PTPRD: variants seen among roughly 807,000 people sequenced by gnomAD.
PTPRD encodes protein tyrosine phosphatase receptor type D.
A neutral mutation model predicts 214.5 loss-of-function variants in PTPRD; 34 were observed. The observed-to-expected ratio is 0.16, with a 90% confidence interval of 0.12 to 0.21. The LOEUF (loss-of-function observed/expected upper bound fraction) is 0.21. PTPRD is among the 10% of genes least tolerant of loss of function. The pLI, the probability that PTPRD is intolerant of heterozygous loss-of-function variation, is 1.00. For missense variants in PTPRD, 2,545 were observed against 2,398.7 expected, an observed-to-expected ratio of 1.06 and a Z score of -1.27; for synonymous variants, 1,128 against 845.7, an observed-to-expected ratio of 1.33 and a Z score of -5.79.
At chr9:8,946,362 T>A (rs2099064263) in intron 11 of PTPRD, among the ~76,000 whole-genome samples, 1 of 152,106 alleles carries the variant, frequency 6.6e-6, no homozygotes. Flanking sequence ...TATATAGGTT[T>A]CGAGGGTTTT....
chr9:10,143,306 AT>A (rs1349533617), intron 3 of PTPRD, among the ~76,000 whole-genome samples: 2 of 152,032 alleles, frequency 1.3e-5, no homozygotes, highest in Non-Finnish European at 2.9e-5. Flanking sequence ...AAATAAAAAA[AT>A]AAATGCTCAT....
chr9:9,167,139 C>T (rs1224983475), intron 10 of PTPRD, among the ~76,000 whole-genome samples: 3 of 152,092 alleles, frequency 2.0e-5, no homozygotes, highest in Non-Finnish European at 4.4e-5. Context: ...CAAATCAGAA[C>T]TATGTCTCCT....
At chr9:9,177,159 G>A (rs1424766717) in intron 10 of PTPRD, among the ~76,000 whole-genome samples, 1 of 152,040 alleles carries the variant, frequency 6.6e-6, no homozygotes, top group African/African-American at 2.4e-5. Context: ...GGGAAGCAAG[G>A]TGCTTTCTTC....
intron 10 of PTPRD, among the ~76,000 whole-genome samples, chr9:9,121,938 G>C (rs186992482): frequency 6.6e-6 from 1 of 152,120 alleles, no homozygotes; most frequent in African/African-American, 2.4e-5. Context: ...GAGTTTTGTA[G>C]TCTACAAGCC....
intron 11 of PTPRD, among the ~76,000 whole-genome samples, chr9:8,976,447 T>C (rs1229029351): frequency 6.6e-6 from 1 of 152,094 alleles, no homozygotes; most frequent in Non-Finnish European, 1.5e-5. Flanking sequence ...ATCTGAGTGA[T>C]AATAATTAGA....
In PTPRD at chr9:10,485,695, G is replaced by C. The variant is rs1049534613; in HGVS notation, c.-600+126703C>G. ...GCATATAGAAATACTGCTGATTTTT[G>C]TGTGTTGATATTATATCCTGAAAAT... On this transcript the variant is annotated intron_variant, in intron 2 of 45. Coordinates refer to ENST00000381196, the MANE Select transcript of PTPRD (RefSeq NM_002839.4). 3.3e-5 allele frequency among the ~76,000 whole-genome samples: 5 copies of C among 152,000 alleles called. No individual in the cohort carries two copies. The South Asian group carries it at 1.0e-3, about 32-fold the overall frequency.
intron 12 of PTPRD, among the ~76,000 whole-genome samples, chr9:8,675,012 T>C (rs961133665): frequency 6.6e-6 from 1 of 152,160 alleles, no homozygotes; most frequent in Non-Finnish European, 1.5e-5. Flanking sequence ...TATTTTTTTT[T>C]CCTTTTAAGT....
At chr9:9,390,479 C>T (rs964747178) in intron 9 of PTPRD, among the ~76,000 whole-genome samples, 5 of 151,982 alleles carry the variant, frequency 3.3e-5, no homozygotes, top group African/African-American at 1.2e-4. Flanking sequence ...GCCCTCTGAA[C>T]AGCTATCTAA....
At chr9:8,802,228 T>TTA (rs2096586173) in intron 11 of PTPRD, among the ~76,000 whole-genome samples, 1 of 152,130 alleles carries the variant, frequency 6.6e-6, no homozygotes. Flanking sequence ...CCACACCCTG[T>TTA]TATAGATGCA....
intron 37 of PTPRD, among the ~76,000 whole-genome samples, chr9:8,379,694 A>G (rs1446791073): frequency 1.3e-5 from 2 of 152,164 alleles, no homozygotes; most frequent in African/African-American, 2.4e-5. Flanking sequence ...ACTATTTGTT[A>G]GGCTTCACAC....
chr9:9,298,283 C>G (rs142187951), intron 9 of PTPRD, among the ~76,000 whole-genome samples: 1 of 151,688 alleles, frequency 6.6e-6, no homozygotes, highest in African/African-American at 2.4e-5. Context: ...TCCATGGCAT[C>G]ACACAAAATT....
chr9:9,604,396 A>G (rs1277858697), intron 7 of PTPRD, among the ~76,000 whole-genome samples: 1 of 152,134 alleles, frequency 6.6e-6, no homozygotes, highest in East Asian at 1.9e-4. Context: ...TGGCCTTTGT[A>G]ATCTAAATAA....
chr9:10,516,843 C>T (rs1658562144), intron 2 of PTPRD, among the ~76,000 whole-genome samples: 1 of 151,818 alleles, frequency 6.6e-6, no homozygotes, highest in African/African-American at 2.4e-5. Context: ...ATTTTCCAAT[C>T]TTGTATGCTT....
chr9:8,975,801 T>TA (rs2099264804), intron 11 of PTPRD, among the ~76,000 whole-genome samples: 1 of 151,170 alleles, frequency 6.6e-6, no homozygotes, highest in Non-Finnish European at 1.5e-5. Flanking sequence ...TATATATATA[T>TA]TTGTATATAT....
chr9:10,557,919 G>A (rs1468674743), intron 2 of PTPRD, among the ~76,000 whole-genome samples: 1 of 152,138 alleles, frequency 6.6e-6, no homozygotes, highest in Non-Finnish European at 1.5e-5. Flanking sequence ...TAATGAGCCT[G>A]TGACCTGTGC....
chr9:8,794,509 A>AT (rs5896260), intron 11 of PTPRD, among the ~76,000 whole-genome samples: 47,415 of 131,676 alleles, frequency 0.36, 9,772 homozygotes, highest in Middle Eastern at 0.48. Context: ...CACAGAAGCC[A>AT]TTTTTTTTTT....
chr9:8,868,583 A>G lies in PTPRD; in HGVS notation c.-103-134637T>C, dbSNP rs569348197. ...GAGCAACTTTGCTTTGTAGCTCTAG[A>G]GAGCACAATTCGAAAATCACTAGAC... On this transcript the variant is annotated intron_variant, in intron 11 of 45. Transcript: ENST00000381196. Among the ~76,000 whole-genome samples the G allele has an allele frequency of 3.3e-5, 5 of 152,294 alleles. No individual in the cohort carries two copies. In the East Asian group the frequency reaches 9.7e-4, roughly 29 times the overall value.
intron 2 of PTPRD, among the ~76,000 whole-genome samples, chr9:10,566,785 T>A (rs569114511): frequency 6.6e-6 from 1 of 152,170 alleles, no homozygotes; most frequent in South Asian, 2.1e-4. Flanking sequence ...TCTCATAGCA[T>A]CTTCCAAGTT....
intron 8 of PTPRD, among the ~76,000 whole-genome samples, chr9:9,439,740 G>A (rs1301789391): frequency 6.6e-6 from 1 of 152,192 alleles, no homozygotes; most frequent in East Asian, 1.9e-4. Flanking sequence ...CTATCACTGT[G>A]AAGACGAAGA....
Sources: allele counts gnomAD v4.1 joint callset (sites outside exome capture counted in the v4.1 genomes callset), GRCh38; gene constraint gnomAD v4.1.1; transcripts MANE v1.5; gene names NCBI Gene and HGNC (gene_info 2026-07-23, HGNC 2026-07-21).